The following ANO4 variants were observed in gnomAD, a reference collection of about 807,000 sequenced individuals.
The protein encoded by ANO4 is anoctamin 4.
In ANO4, 69 loss-of-function variants were observed where a neutral mutation model predicts 141.9. The ratio of observed to expected loss-of-function variants is 0.49; its 90% CI spans 0.40 to 0.59. The LOEUF is 0.59. ANO4 is among the 20% of genes least tolerant of loss of function. The pLI, the probability that ANO4 is intolerant of heterozygous loss-of-function variation, is 0.00. For synonymous variants in ANO4, 350 were observed against 394.3 expected (o/e 0.89, Z 1.33); for missense variants, 894 against 1,162.2 (o/e 0.77, Z 3.36).
chr12:100,732,361 GT>G, intron 1 of ANO4, among the ~76,000 whole-genome samples: 1 of 151,672 alleles, frequency 6.6e-6, no homozygotes, highest in Non-Finnish European at 1.5e-5. Flanking sequence ...TCTGCCATCT[GT>G]ATCATCTTTG....
At chr12:100,913,949 G>A (rs942006191) in intron 2 of ANO4, among the ~76,000 whole-genome samples, 3 of 152,162 alleles carry the variant, frequency 2.0e-5, no homozygotes, top group African/African-American at 7.2e-5. Flanking sequence ...ACAACATTTA[G>A]TGAGGCTGAA....
intron 9 of ANO4, among the ~76,000 whole-genome samples, chr12:101,026,668 A>G (rs1245299339): frequency 6.6e-6 from 1 of 152,214 alleles, no homozygotes; most frequent in Non-Finnish European, 1.5e-5. Context: ...TGACTTTTCA[A>G]CATATGATAC....
Position 100,829,976 on chromosome 12 carries a change from C to T in ANO4, c.-141+34949C>T, listed in dbSNP as rs761360591. ...AGTGGTGACAGAATTGCATTGAAATCGTGGCTCTTCTACTCAATAATTGTG... is the reference window on the plus strand; with the variant it reads ...AGTGGTGACAGAATTGCATTGAAATTGTGGCTCTTCTACTCAATAATTGTG... On this transcript the variant is annotated intron_variant, in intron 1 of 27. Transcript: ENST00000392977. 2.6e-5 allele frequency among the ~76,000 whole-genome samples: 4 copies of T among 152,004 alleles called. No homozygotes were observed. In the East Asian group the frequency reaches 5.8e-4, roughly 22 times the overall value.
chr12:100,912,172 G>C (rs2041129262), intron 2 of ANO4, among the ~76,000 whole-genome samples: 1 of 151,894 alleles, frequency 6.6e-6, no homozygotes, highest in Non-Finnish European at 1.5e-5. Flanking sequence ...GAGGTGGGCG[G>C]ATCACCTGAG....
At chr12:100,780,404 T>C (rs2033677990) in intron 3 of ANO4, among the ~76,000 whole-genome samples, 1 of 152,162 alleles carries the variant, frequency 6.6e-6, no homozygotes, top group African/African-American at 2.4e-5. Flanking sequence ...ATAGCACTCG[T>C]GGATTGCTGG....
intron 13 of ANO4, among the ~76,000 whole-genome samples, chr12:101,045,077 G>A (rs941443034): frequency 4.0e-5 from 6 of 151,712 alleles, no homozygotes; most frequent in Non-Finnish European, 7.4e-5. Context: ...TTAAAGAATC[G>A]TCATGAATAG....
At chr12:101,054,681 T>C (rs2048031739) in intron 14 of ANO4, among the ~76,000 whole-genome samples, 1 of 152,154 alleles carries the variant, frequency 6.6e-6, no homozygotes, top group South Asian at 2.1e-4. Flanking sequence ...TTTGTATTTT[T>C]AGTAGAGACG....
At position 100,974,896 on chromosome 12, in the gene ANO4, AGCACG is replaced by A; in HGVS notation, c.602+8_602+12del. 1 of 1,614,058 alleles carries A rather than the reference AGCACG, an allele frequency of 6.2e-7. No individual in the cohort carries two copies. Among genetic ancestry groups the A allele is most frequent in the South Asian group, 1.1e-5 (1 of 91,080 alleles). On this transcript the variant is annotated splice_region_variant and intron_variant, in intron 7 of 27. Transcript: ENST00000392977. ...GTTACAAGTTCATGAGCAGGTTAGT[AGCACG>A]CTCTGTCCTGACAGTGTTTGTCTTT...
rs2136839597 is a variant in ANO4 at position 101,076,921 on chromosome 12, G to A, written c.1313-2272G>A. On this transcript the variant is annotated intron_variant, in intron 14 of 27. Transcript: ENST00000392977. Reference sequence around the variant, plus strand: ...GACAGTTTGGTGAGGCAGAGGGCAAGCGTGCAGCAAAGAGTTAACACAGCA... The same window carrying A: ...GACAGTTTGGTGAGGCAGAGGGCAAACGTGCAGCAAAGAGTTAACACAGCA... Among the ~76,000 whole-genome samples, 4 of 152,292 alleles carry A rather than the reference G, an allele frequency of 2.6e-5. No individual in the cohort carries two copies. In the South Asian group the frequency reaches 8.3e-4, roughly 32 times the overall value.
chr12:100,925,625 C>G (rs570793351), intron 3 of ANO4, among the ~76,000 whole-genome samples: 1 of 146,114 alleles, frequency 6.8e-6, no homozygotes, highest in South Asian at 2.3e-4. Context: ...GCACATGTAC[C>G]CCAGAACTTA....
intron 2 of ANO4, among the ~76,000 whole-genome samples, chr12:100,738,227 G>C (rs1175741650): frequency 3.9e-5 from 6 of 152,170 alleles, no homozygotes; most frequent in African/African-American, 1.4e-4. Flanking sequence ...TGGTGGGTGA[G>C]GGAGGATGAG....
At chr12:100,992,221 C>T (rs73148834) in intron 8 of ANO4, among the ~76,000 whole-genome samples, 11,638 of 152,240 alleles carry the variant, frequency 0.076, 527 homozygotes, top group South Asian at 0.15. Flanking sequence ...AATCATGTCA[C>T]TTCATTCTCT....
At chr12:100,818,158 A>G (rs1017826571) in intron 1 of ANO4, among the ~76,000 whole-genome samples, 2 of 151,912 alleles carry the variant, frequency 1.3e-5, no homozygotes, top group Non-Finnish European at 2.9e-5. Context: ...ATTTGTTTAC[A>G]TGGTACTTAA....
At chr12:100,984,843 A>G (rs184850164) in intron 7 of ANO4, among the ~76,000 whole-genome samples, 1 of 152,166 alleles carries the variant, frequency 6.6e-6, no homozygotes, top group East Asian at 1.9e-4. Context: ...TCCACATTTC[A>G]ATTAAATTGT....
chr12:101,090,512 A>G (rs1186490874), intron 17 of ANO4, among the ~76,000 whole-genome samples: 8 of 152,086 alleles, frequency 5.3e-5, no homozygotes, highest in Non-Finnish European at 8.8e-5. Context: ...AAAACCAAAC[A>G]CCGCATGTTC....
intron 1 of ANO4, among the ~76,000 whole-genome samples, chr12:100,834,241 C>CTAACTT: frequency 6.6e-6 from 1 of 152,070 alleles, no homozygotes. Flanking sequence ...ATGGGTTCAG[C>CTAACTT]CCAGCTACAC....
At chr12:100,953,304 T>A (rs537065079) in intron 5 of ANO4, among the ~76,000 whole-genome samples, 1 of 152,330 alleles carries the variant, frequency 6.6e-6, no homozygotes, top group African/African-American at 2.4e-5. Flanking sequence ...TTTAAAAGCT[T>A]TGAAGCAGCC....
chr12:100,863,966 A>G (rs1181725436), intron 1 of ANO4, among the ~76,000 whole-genome samples: 6 of 152,194 alleles, frequency 3.9e-5, no homozygotes, highest in Admixed American at 3.9e-4. Context: ...GGTTTGATCC[A>G]GGGAGCTCGA....
At chr12:100,806,406 A>T (rs971021463) in intron 1 of ANO4, among the ~76,000 whole-genome samples, 1 of 150,442 alleles carries the variant, frequency 6.6e-6, no homozygotes, top group African/African-American at 2.5e-5. Context: ...GCATCTTTTC[A>T]TGTGTTTACT....
Sources: allele counts gnomAD v4.1 joint callset (sites outside exome capture counted in the v4.1 genomes callset), GRCh38; gene constraint gnomAD v4.1.1; transcripts MANE v1.5; gene names NCBI Gene and HGNC (gene_info 2026-07-23, HGNC 2026-07-21).